ITGA8: variants seen among roughly 807,000 people sequenced by gnomAD.
The protein encoded by ITGA8 is integrin subunit alpha 8, also known as integrin alpha-8.
Under a neutral mutation model 142.3 loss-of-function variants are expected in ITGA8, and 91 were observed. The observed-to-expected ratio is 0.64, with a 90% CI of 0.54 to 0.76. The LOEUF (loss-of-function observed/expected upper bound fraction) is 0.76. ITGA8 is among the 30% of genes least tolerant of loss of function. ITGA8 has a pLI of 0.00. For missense variants in ITGA8, 1,406 were observed against 1,327.7 expected (o/e 1.06, Z -0.92); for synonymous variants, 505 against 485.2 (o/e 1.04, Z -0.54).
At chr10:15,682,278 C>A (rs1212242566) in intron 4 of ITGA8, among the ~76,000 whole-genome samples, 2 of 152,068 alleles carry the variant, frequency 1.3e-5, no homozygotes, top group Admixed American at 1.3e-4. Context: ...GGGGCTTTTT[C>A]CCTCTTGTTC....
At chr10:15,622,835 A>G (rs1332425619) in intron 13 of ITGA8, among the ~76,000 whole-genome samples, 1 of 152,232 alleles carries the variant, frequency 6.6e-6, no homozygotes, top group Non-Finnish European at 1.5e-5. Flanking sequence ...AAAAATAAAT[A>G]TCTGTGACTA....
intron 23 of ITGA8, among the ~76,000 whole-genome samples, chr10:15,575,931 A>T (rs901570294): frequency 1.4e-5 from 2 of 144,014 alleles, no homozygotes; most frequent in Non-Finnish European, 3.0e-5. Flanking sequence ...TCTATTTCAC[A>T]TGTGAGAACG....
chr10:15,572,662 A>C (rs1490117300), intron 24 of ITGA8, among the ~76,000 whole-genome samples: 1 of 152,194 alleles, frequency 6.6e-6, no homozygotes, highest in African/African-American at 2.4e-5. Flanking sequence ...TTTTAAATTT[A>C]TGTTAATTTA....
At chr10:15,655,529 C>T (rs940957686) in intron 10 of ITGA8, 123 bp from the exon 11 acceptor site, 6 of 725,586 alleles carry the variant, frequency 8.3e-6, no homozygotes, top group South Asian at 5.3e-5. Context: ...TTCATAGATT[C>T]TTCGAAGTGG....
chr10:15,705,420 T>C (rs1835239897), intron 2 of ITGA8, among the ~76,000 whole-genome samples: 1 of 152,202 alleles, frequency 6.6e-6, no homozygotes, highest in Non-Finnish European at 1.5e-5. Flanking sequence ...GTTTCCTGAC[T>C]CTGCCTGCCC....
At chr10:15,557,816 C>G (rs1419347569) in intron 26 of ITGA8, among the ~76,000 whole-genome samples, 9 of 152,216 alleles carry the variant, frequency 5.9e-5, no homozygotes, top group Admixed American at 5.9e-4. Context: ...TTGAAGGTCA[C>G]AGTTGATGTT....
chr10:15,531,871 G>A (rs1477824286), intron 27 of ITGA8, among the ~76,000 whole-genome samples: 2 of 152,118 alleles, frequency 1.3e-5, no homozygotes, highest in Non-Finnish European at 1.5e-5. Flanking sequence ...CTTGAACCTG[G>A]GGGGCGCAGG....
At chr10:15,613,803 AC>A in intron 14 of ITGA8, 36 bp from the exon 15 acceptor site, 5 of 1,462,366 alleles carry the variant, frequency 3.4e-6, no homozygotes, top group Non-Finnish European at 4.8e-6. Context: ...TTTAAATAAA[AC>A]ACAAGGGTGA....
At chr10:15,557,521 C>T (rs904762132) in intron 26 of ITGA8, among the ~76,000 whole-genome samples, 1 of 152,188 alleles carries the variant, frequency 6.6e-6, no homozygotes, top group African/African-American at 2.4e-5. Context: ...ACACAGCATT[C>T]TTTTTTTAAA....
In ITGA8 at chr10:15,597,300, C is replaced by G; in HGVS notation, c.2119-1G>C. The G allele has an allele frequency of 2.5e-6, 4 of 1,613,040 alleles. No homozygotes were observed. Among genetic ancestry groups the G allele is most frequent in the Non-Finnish European group, 3.4e-6 (4 of 1,179,074 alleles). On this transcript the variant is annotated splice_acceptor_variant, in intron 20 of 29. Coordinates refer to ENST00000378076, the MANE Select transcript of ITGA8 (RefSeq NM_003638.3). LOFTEE classifies it high-confidence loss of function. ...ACTCACAGCTCAGTGGTCGAAATCC[C>G]TACAATTGCAAAGAACAGGGGGTTT...
At chr10:15,704,381 A>T (rs140153303) in intron 2 of ITGA8, among the ~76,000 whole-genome samples, 32 of 152,290 alleles carry the variant, frequency 2.1e-4, no homozygotes, top group Non-Finnish European at 3.7e-4. Context: ...GGGTCTTGCT[A>T]CATTGTCCAG....
intron 2 of ITGA8, among the ~76,000 whole-genome samples, chr10:15,717,186 G>C (rs1243933189): frequency 6.6e-6 from 1 of 152,090 alleles, no homozygotes; most frequent in Non-Finnish European, 1.5e-5. Flanking sequence ...GATGTTATGA[G>C]ACTATACAAG....
At chr10:15,525,733 T>C (rs1044303188) in intron 28 of ITGA8, among the ~76,000 whole-genome samples, 7 of 150,440 alleles carry the variant, frequency 4.7e-5, no homozygotes, top group Non-Finnish European at 1.5e-5. Flanking sequence ...AAATATCAAC[T>C]ATTATTTATT....
At chr10:15,668,937 C>T (rs1834452485) in intron 8 of ITGA8, among the ~76,000 whole-genome samples, 1 of 152,256 alleles carries the variant, frequency 6.6e-6, no homozygotes, top group Non-Finnish European at 1.5e-5. Flanking sequence ...ACCTTTCTCT[C>T]TGGCTGCCCT....
chr10:15,527,147 G>A (rs1449242466), intron 28 of ITGA8, among the ~76,000 whole-genome samples: 2 of 152,070 alleles, frequency 1.3e-5, no homozygotes, highest in Non-Finnish European at 2.9e-5. Flanking sequence ...AATAACATGA[G>A]GTGTACTAGC....
chr10:15,582,330 G>A (rs749502758), intron 23 of ITGA8, among the ~76,000 whole-genome samples: 35 of 152,224 alleles, frequency 2.3e-4, no homozygotes, highest in Admixed American at 3.9e-4. Flanking sequence ...TGTAAAAGCT[G>A]AAATTATACA....
intron 13 of ITGA8, among the ~76,000 whole-genome samples, chr10:15,634,051 C>G (rs1833729037): frequency 6.6e-6 from 1 of 152,102 alleles, no homozygotes; most frequent in Non-Finnish European, 1.5e-5. Context: ...GCTGTGTTCC[C>G]CTTCTGAGAT....
intron 2 of ITGA8, among the ~76,000 whole-genome samples, chr10:15,707,789 C>T (rs1380021643): frequency 6.7e-6 from 1 of 149,994 alleles, no homozygotes; most frequent in Non-Finnish European, 1.5e-5. Flanking sequence ...TGCCACTACA[C>T]TCCGGCCTCG....
chr10:15,515,879 T>C lies in ITGA8; in HGVS notation c.*1279A>G, dbSNP rs1329793071. 6.6e-6 allele frequency: 1 copy of C among 152,184 alleles called. No homozygotes were observed. The highest frequency in any genetic ancestry group is 1.5e-5 in the Non-Finnish European group (1 of 68,012). The allele number at this position is 152,184 out of a possible 1,614,324, so 9.4% of individuals were successfully genotyped here. A position where few individuals can be genotyped will look rare whatever the true frequency, so the allele number is the denominator to read the frequency against. ...TGGGAAAATAGCTTAAATAAAAGAT[T>C]ATTCTCCAAAGTTACATATTATAAA... On this transcript the variant is annotated 3_prime_UTR_variant, in exon 30 of 30. Transcript: ENST00000378076.
Sources: allele counts gnomAD v4.1 joint callset (sites outside exome capture counted in the v4.1 genomes callset), GRCh38; gene constraint gnomAD v4.1.1; transcripts MANE v1.5; gene names NCBI Gene and HGNC (gene_info 2026-07-23, HGNC 2026-07-21).